The following FAM153A variants were observed in gnomAD, a reference collection of about 807,000 sequenced individuals.
The protein encoded by FAM153A is family with sequence similarity 153 member A, also known as protein FAM153A.
In FAM153A, 12 loss-of-function variants were observed where a neutral mutation model predicts 48.1. The ratio of observed to expected loss-of-function variants is 0.25; its 90% CI spans 0.16 to 0.40. The LOEUF (loss-of-function observed/expected upper bound fraction) is 0.40. Among genes scored for constraint, FAM153A ranks in the 10% least tolerant of loss-of-function variants. FAM153A has a pLI of 1.00. For synonymous variants in FAM153A, 36 were observed against 118.2 expected, an observed-to-expected ratio of 0.30 and a Z score of 4.51; for missense variants, 111 against 345.8, an observed-to-expected ratio of 0.32 and a Z score of 5.38.
In FAM153A at chr5:177,731,565, G is replaced by A. The variant is rs762543765; in HGVS notation, c.862+4C>T. On this transcript the variant is annotated splice_donor_region_variant and intron_variant, in intron 16 of 20. Coordinates refer to ENST00000614127, the Ensembl canonical transcript of FAM153A. The stretch of plus-strand genomic sequence containing the variant: ...AAACAAAGAGAGGATCCCAGAATAC[G>A]TACTCTTTGCCAGCGTGGCTGGGTC... 1.3e-5 allele frequency: 14 copies of A among 1,104,278 alleles called. 3 individuals carry two copies. The African/African-American group carries it at 1.9e-4, about 15-fold the overall frequency. The allele number at this position is 1,104,278 out of a possible 1,614,324, so 68.4% of individuals were successfully genotyped here.
intron 25 of FAM153A, among the ~76,000 whole-genome samples, chr5:177,715,971 C>T (rs1759677656): frequency 6.6e-6 from 1 of 150,662 alleles, no homozygotes; most frequent in Non-Finnish European, 1.5e-5. Context: ...CCATCATGCC[C>T]AGCTTAGATT....
chr5:177,705,677 T>C (rs1757821321), downstream of FAM153A, among the ~76,000 whole-genome samples: 1 of 133,930 alleles, frequency 7.5e-6, no homozygotes, highest in East Asian at 2.2e-4. Context: ...TTTTTTTTTT[T>C]TGAGATGAAG....
downstream of FAM153A, among the ~76,000 whole-genome samples, chr5:177,708,466 A>G (rs575114393): frequency 1.2e-3 from 180 of 151,894 alleles, 3 homozygotes; most frequent in Non-Finnish European, 1.5e-3. Context: ...AATCCCAGCT[A>G]CTCGGGAGGC....
chr5:177,714,394 G>A (rs144476130), intron 25 of FAM153A, among the ~76,000 whole-genome samples: 2,107 of 151,392 alleles, frequency 0.014, 101 homozygotes, highest in African/African-American at 0.05. Context: ...GATGCTAATT[G>A]GAAAAGACTA....
At chr5:177,764,684 C>T (rs1437323925) in intron 1 of FAM153A, among the ~76,000 whole-genome samples, 1 of 151,850 alleles carries the variant, frequency 6.6e-6, no homozygotes. Flanking sequence ...CCAATTAGAA[C>T]AGCCATGAAC....
chr5:177,695,633 A>T, the FAM153A span, among the ~76,000 whole-genome samples: 1 of 152,136 alleles, frequency 6.6e-6, no homozygotes, highest in Non-Finnish European at 1.5e-5. Flanking sequence ...GTACAGAACA[A>T]AATGGAGTCT....
At chr5:177,755,488 C>T (rs1403062222), upstream of FAM153A, among the ~76,000 whole-genome samples, 1 of 151,652 alleles carries the variant, frequency 6.6e-6, no homozygotes, top group Admixed American at 6.6e-5. Flanking sequence ...CAGAGAGTGC[C>T]ACAAACATAC....
downstream of FAM153A, among the ~76,000 whole-genome samples, chr5:177,710,123 T>TC: frequency 6.6e-6 from 1 of 151,092 alleles, no homozygotes; most frequent in African/African-American, 2.5e-5. Context: ...CCTTTTTTTT[T>TC]TTTTCCCTGA....
the FAM153A span, among the ~76,000 whole-genome samples, chr5:177,696,301 G>T: frequency 1.4e-5 from 2 of 145,636 alleles, no homozygotes; most frequent in Non-Finnish European, 3.0e-5. Context: ...CCCAGACGGG[G>T]TGGCGGCCGG....
rs1330724663 is a variant in FAM153A, at chr5:177,730,036, G to A, written c.863-481C>T. 4.9e-4 allele frequency among the ~76,000 whole-genome samples: 51 copies of A among 103,080 alleles called. 5 individuals are homozygous for A. Among genetic ancestry groups the A allele is most frequent in the African/African-American group, 5.7e-4 (17 of 29,594 alleles). The allele number at this position is 103,080 out of a possible 152,430, so 67.6% of individuals were successfully genotyped here. On this transcript the variant is annotated intron_variant, in intron 16 of 20. Coordinates refer to ENST00000614127, the Ensembl canonical transcript of FAM153A. Reference sequence around the variant, plus strand: ...ATTCTAGCCAAAAGATTTTATTACTGACTTTCTGTTACAAGGCAAATAAAC... The same window carrying A: ...ATTCTAGCCAAAAGATTTTATTACTAACTTTCTGTTACAAGGCAAATAAAC...
At chr5:177,781,975 C>G (rs1338173709), upstream of FAM153A, among the ~76,000 whole-genome samples, 1 of 98,472 alleles carries the variant, frequency 1.0e-5, no homozygotes, top group African/African-American at 3.7e-5. Context: ...GTGATCCGCC[C>G]GCCTCGGCCT....
At chr5:177,758,635 C>T (rs1451930313) in intron 1 of FAM153A, among the ~76,000 whole-genome samples, 1 of 148,692 alleles carries the variant, frequency 6.7e-6, no homozygotes, top group Non-Finnish European at 1.5e-5. Context: ...GAGATATAGA[C>T]CAATGGAACA....
downstream of FAM153A, among the ~76,000 whole-genome samples, chr5:177,703,248 A>G (rs1757606207): frequency 6.6e-6 from 1 of 151,988 alleles, no homozygotes; most frequent in South Asian, 2.1e-4. Context: ...GATGTGGGAC[A>G]TGGAGTCAAA....
chr5:177,701,174 T>C, the FAM153A span, among the ~76,000 whole-genome samples: 225 of 152,002 alleles, frequency 1.5e-3, 3 homozygotes, highest in Middle Eastern at 6.8e-3. Flanking sequence ...TTGCCATGAT[T>C]GGAAGCTTCT....
chr5:177,708,292 ATGGGCAGGCATGGTGGCTCATGCCTGT>A (rs1758036264), downstream of FAM153A, among the ~76,000 whole-genome samples: 1 of 133,872 alleles, frequency 7.5e-6, no homozygotes, highest in African/African-American at 2.9e-5. Context: ...TCTCTTTTTC[ATGGGCAGGCATGGTGGCTCATGCCTGT>A]AATCCCAGCA....
At chr5:177,749,779 G>T (rs1399537261) in intron 2 of FAM153A, among the ~76,000 whole-genome samples, 1 of 140,154 alleles carries the variant, frequency 7.1e-6, no homozygotes, top group African/African-American at 2.6e-5. Flanking sequence ...TATCATTATA[G>T]AATTTAATCA....
At chr5:177,759,709 C>G (rs1457011384) in intron 1 of FAM153A, among the ~76,000 whole-genome samples, 1 of 150,704 alleles carries the variant, frequency 6.6e-6, no homozygotes, top group Non-Finnish European at 1.5e-5. Context: ...CAAACTATAG[C>G]AAGGACAAAA....
At chr5:177,694,328 G>GT in the FAM153A span, among the ~76,000 whole-genome samples, 1 of 138,312 alleles carries the variant, frequency 7.2e-6, no homozygotes. Context: ...GAGACCTTTA[G>GT]TTGTCTCTGT....
chr5:177,741,455 C>T, intron 6 of FAM153A, 123 bp from the exon 9 acceptor site: 1 of 831,340 alleles, frequency 1.2e-6, no homozygotes, highest in Non-Finnish European at 1.6e-6. Context: ...CAAAAAAGGA[C>T]CTCCTGCCAG....
Sources: allele counts gnomAD v4.1 joint callset (sites outside exome capture counted in the v4.1 genomes callset), GRCh38; gene constraint gnomAD v4.1.1; transcripts MANE v1.5; gene names NCBI Gene and HGNC (gene_info 2026-07-23, HGNC 2026-07-21).